SNX9: variants seen among roughly 807,000 people sequenced by gnomAD.
SNX9 encodes the protein sorting nexin-9.
In SNX9, 44 loss-of-function variants were observed where a neutral mutation model predicts 89.4. That is an observed-to-expected ratio of 0.49 (90% confidence interval 0.39 to 0.63). The LOEUF is 0.63. SNX9 is among the 30% of genes least tolerant of loss of function. SNX9 has a pLI of 0.00. For missense variants in SNX9, 578 were observed against 736.1 expected (o/e 0.79, Z 2.49); for synonymous variants, 236 against 247.8 (o/e 0.95, Z 0.45).
chr6:157,865,694 T>A (rs1378732046), intron 1 of SNX9, among the ~76,000 whole-genome samples: 1 of 152,280 alleles, frequency 6.6e-6, no homozygotes, highest in Non-Finnish European at 1.5e-5. Context: ...TCAGTCCATC[T>A]TACTATTTTT....
chr6:157,898,934 A>G (rs753218705), intron 5 of SNX9, among the ~76,000 whole-genome samples: 21 of 152,152 alleles, frequency 1.4e-4, no homozygotes, highest in Non-Finnish European at 2.5e-4. Flanking sequence ...CTCTCTGGTC[A>G]CTTGGCCCAC....
At chr6:157,865,065 C>CA (rs1782229900) in intron 1 of SNX9, among the ~76,000 whole-genome samples, 1 of 152,046 alleles carries the variant, frequency 6.6e-6, no homozygotes, top group African/African-American at 2.4e-5. Flanking sequence ...CGCAGCCAGG[C>CA]ATGGTGGCTC....
chr6:157,901,173 A>T (rs747357734), intron 5 of SNX9, among the ~76,000 whole-genome samples: 1 of 152,162 alleles, frequency 6.6e-6, no homozygotes, highest in Non-Finnish European at 1.5e-5. Flanking sequence ...TGGCAGTCCC[A>T]CCTGGCACTG....
chr6:157,898,876 C>T (rs1583224789), intron 5 of SNX9, among the ~76,000 whole-genome samples: 1 of 152,158 alleles, frequency 6.6e-6, no homozygotes, highest in East Asian at 1.9e-4. Context: ...GTCAGCAGGA[C>T]CAGGGGTGTG....
chr6:157,873,947 T>G (rs985888329), intron 3 of SNX9, among the ~76,000 whole-genome samples: 7 of 152,166 alleles, frequency 4.6e-5, no homozygotes, highest in South Asian at 2.1e-4. Context: ...TTTCGGTCCC[T>G]CCAAACCGAG....
chr6:157,917,624 T>G (rs73026699), intron 9 of SNX9, among the ~76,000 whole-genome samples: 36,036 of 152,016 alleles, frequency 0.24, 4,438 homozygotes, highest in African/African-American at 0.28. Context: ...CAAAATCCAT[T>G]GATGCTCAAG....
At chr6:157,933,153 G>C (rs778107859) in intron 13 of SNX9, among the ~76,000 whole-genome samples, 3 of 152,026 alleles carry the variant, frequency 2.0e-5, no homozygotes, top group Non-Finnish European at 4.4e-5. Flanking sequence ...AATTAGCCAG[G>C]CATGGTGTCA....
chr6:157,936,350 C>T (rs1029672274), intron 14 of SNX9, among the ~76,000 whole-genome samples: 7 of 152,004 alleles, frequency 4.6e-5, no homozygotes, highest in Non-Finnish European at 1.0e-4. Context: ...ACACAGTGAA[C>T]CCCCAAAAAT....
chr6:157,926,110 A>G (rs919145866), intron 10 of SNX9, among the ~76,000 whole-genome samples: 1 of 152,226 alleles, frequency 6.6e-6, no homozygotes. Flanking sequence ...CACATTGGCT[A>G]TTAAGTTTCA....
At chr6:157,926,213 G>A (rs1054617577) in intron 10 of SNX9, among the ~76,000 whole-genome samples, 6 of 152,194 alleles carry the variant, frequency 3.9e-5, no homozygotes, top group Non-Finnish European at 8.8e-5. Flanking sequence ...ACCTTTGTGG[G>A]GAAGGGAAGA....
At chr6:157,892,144 G>T (rs1383872272) in intron 4 of SNX9, among the ~76,000 whole-genome samples, 2 of 152,144 alleles carry the variant, frequency 1.3e-5, no homozygotes, top group African/African-American at 4.8e-5. Flanking sequence ...AGGACAGAGA[G>T]GCGCCACAGG....
Position 157,944,141 on chromosome 6 carries a change from C to T in SNX9, c.*1303C>T, listed in dbSNP as rs931668111. ...ACTGGCAGCCACCGTCTCACCCCTG[C>T]GGAGGAGCGCTCCCGTCTCCCACAG... On this transcript the variant is annotated 3_prime_UTR_variant, in exon 18 of 18. Coordinates refer to ENST00000392185, the MANE Select transcript of SNX9 (RefSeq NM_016224.5). The T allele has an allele frequency of 2.0e-5, 3 of 152,258 alleles. No homozygotes were observed. The highest frequency in any genetic ancestry group is 7.2e-5 in the African/African-American group (3 of 41,448). The allele number at this position is 152,258 out of a possible 1,614,324, so 9.4% of individuals were successfully genotyped here.
chr6:157,907,561 G>A (rs1277226457), intron 7 of SNX9, among the ~76,000 whole-genome samples: 1 of 152,186 alleles, frequency 6.6e-6, no homozygotes, highest in African/African-American at 2.4e-5. Context: ...TGGGATTACA[G>A]GTATGAGCCA....
rs1202804584 is a variant in SNX9 at position 157,823,538 on chromosome 6, CA to C, written c.12+93del. On this transcript the variant is annotated intron_variant, in intron 1 of 17. Transcript: ENST00000392185. The surrounding 1 kb of genome is among the most constrained non-coding windows in gnomAD (Gnocchi z 4.6). Reference sequence around the variant, plus strand: ...CCGGGGCCGCGGGGAGGGTCGGGGCCAGGGGTGGTCGAGGGGCCACTCCGCT... The same window carrying C: ...CCGGGGCCGCGGGGAGGGTCGGGGCCGGGGTGGTCGAGGGGCCACTCCGCT... 3.2e-5 allele frequency: 35 copies of C among 1,090,746 alleles called. No individual in the cohort carries two copies. The African/African-American group carries it at 5.1e-4, about 16-fold the overall frequency. 67.6% of individuals were successfully genotyped at this position (1,090,746 alleles called of 1,614,324 possible).
At chr6:157,873,787 CAG>C in intron 3 of SNX9, among the ~76,000 whole-genome samples, 1 of 152,150 alleles carries the variant, frequency 6.6e-6, no homozygotes, top group South Asian at 2.1e-4. Context: ...TTCCCATAGA[CAG>C]AGGGGTGTCT....
At chr6:157,871,245 G>A (rs1005706372) in intron 2 of SNX9, among the ~76,000 whole-genome samples, 15 of 152,168 alleles carry the variant, frequency 9.9e-5, no homozygotes, top group Admixed American at 3.3e-4. Flanking sequence ...GCCGGGTGTG[G>A]TAGTGCGTGC....
At position 157,932,164 on chromosome 6, in the gene SNX9, G is replaced by A. The variant is rs527938841; in HGVS notation, c.1289-31G>A. The A allele has an allele frequency of 1.6e-5, 26 of 1,595,638 alleles. No individual in the cohort carries two copies. In the East Asian group the frequency reaches 4.0e-4, roughly 25 times the overall value. On this transcript the variant is annotated intron_variant, in intron 12 of 17. Coordinates refer to ENST00000392185, the MANE Select transcript of SNX9 (RefSeq NM_016224.5). The stretch of plus-strand genomic sequence containing the variant: ...TAATCCCATTTCAGTTTGCTCAGAA[G>A]ACTAATCGTTTATTCCTTTTTGTCT...
intron 6 of SNX9, among the ~76,000 whole-genome samples, chr6:157,905,314 C>T (rs1415376950): frequency 1.3e-5 from 2 of 152,180 alleles, no homozygotes; most frequent in Non-Finnish European, 2.9e-5. Context: ...ACTGGAACTT[C>T]GTAGAAATAA....
chr6:157,914,406 T>C (rs1251059229), intron 9 of SNX9, among the ~76,000 whole-genome samples: 1 of 151,990 alleles, frequency 6.6e-6, no homozygotes, highest in Non-Finnish European at 1.5e-5. Context: ...ACAAGTTCTT[T>C]GTTAGATAAG....
Sources: allele counts gnomAD v4.1 joint callset (sites outside exome capture counted in the v4.1 genomes callset), GRCh38; gene constraint gnomAD v4.1.1; non-coding constraint Gnocchi (gnomAD v3.1); transcripts MANE v1.5; gene names NCBI Gene and HGNC (gene_info 2026-07-23, HGNC 2026-07-21).